Variants in AKAP13 observed in about 807,000 individuals in gnomAD.
AKAP13 encodes A-kinase anchoring protein 13, also known as A-kinase anchor protein 13.
A neutral mutation model predicts 264.5 loss-of-function variants in AKAP13; 80 were observed. The observed-to-expected ratio is 0.30, with a 90% CI of 0.25 to 0.36. The LOEUF (loss-of-function observed/expected upper bound fraction) is 0.36. Ranked by LOEUF, AKAP13 falls within the 10% of genes least tolerant of loss-of-function variation. The pLI, the probability that AKAP13 is intolerant of heterozygous loss-of-function variation, is 1.00. For missense variants in AKAP13, 3,712 were observed against 3,435.2 expected, an observed-to-expected ratio of 1.08 and a Z score of -2.01; for synonymous variants, 1,380 against 1,250.2, an observed-to-expected ratio of 1.10 and a Z score of -2.19.
At chr15:85,549,256 T>C (rs1596495345) in intron 5 of AKAP13, among the ~76,000 whole-genome samples, 1 of 152,228 alleles carries the variant, frequency 6.6e-6, no homozygotes, top group East Asian at 1.9e-4. Flanking sequence ...TGTTGATGCC[T>C]GTAGATTAAT....
Position 85,736,912 on chromosome 15 carries a change from CTTTTTTTTTT to C in AKAP13, c.7557+791_7557+800del, listed in dbSNP as rs11407996. 3.1e-5 allele frequency among the ~76,000 whole-genome samples: 3 copies of C among 98,040 alleles called. No individual in the cohort carries two copies. The Admixed American group carries it at 4.0e-4, about 13-fold the overall frequency. 64.3% of individuals were successfully genotyped at this position (98,040 alleles called of 152,430 possible). ...TCAAGTACTCAAGTTATATCATCAT[CTTTTTTTTTT>C]TTTTTTTTTTTTCTGGGGATGGATC... On this transcript the variant is annotated intron_variant, in intron 33 of 36. Transcript: ENST00000394518.
At chr15:85,574,235 T>TG (rs996357923) in intron 5 of AKAP13, among the ~76,000 whole-genome samples, 4 of 152,228 alleles carry the variant, frequency 2.6e-5, no homozygotes, top group African/African-American at 9.6e-5. Context: ...TGAGATTGTG[T>TG]GGGGTATGAT....
intron 17 of AKAP13, among the ~76,000 whole-genome samples, chr15:85,701,799 G>C (rs1476003800): frequency 8.0e-6 from 1 of 125,350 alleles, no homozygotes; most frequent in African/African-American, 3.1e-5. Context: ...GTTTAAGTTG[G>C]GCTTGACTGT....
intron 8 of AKAP13, chr15:85,624,357 G>C (rs564827684): frequency 6.6e-6 from 1 of 152,222 alleles, no homozygotes; most frequent in South Asian, 2.1e-4. Context: ...CCCGACTCAC[G>C]ACACTTGGGC....
chr15:85,630,047 T>G (rs1290698812), intron 8 of AKAP13, among the ~76,000 whole-genome samples: 1 of 151,994 alleles, frequency 6.6e-6, no homozygotes, highest in African/African-American at 2.4e-5. Context: ...CTTTTTGTTT[T>G]GTATCTGCTT....
chr15:85,440,386 C>G (rs978858093), intron 1 of AKAP13, among the ~76,000 whole-genome samples: 4 of 152,114 alleles, frequency 2.6e-5, no homozygotes, highest in Non-Finnish European at 5.9e-5. Context: ...TTCATGTGTT[C>G]TGAAATGCTG....
intron 3 of AKAP13, among the ~76,000 whole-genome samples, chr15:85,523,200 G>A (rs2076891915): frequency 6.6e-6 from 1 of 151,982 alleles, no homozygotes; most frequent in Admixed American, 6.5e-5. Flanking sequence ...ATTCCTGACC[G>A]GACCCTATTG....
chr15:85,542,002 G>A (rs1302268895), intron 4 of AKAP13, among the ~76,000 whole-genome samples: 1 of 152,216 alleles, frequency 6.6e-6, no homozygotes, highest in Non-Finnish European at 1.5e-5. Flanking sequence ...TTGTGGGAGG[G>A]TGGTAAAGAG....
intron 1 of AKAP13, among the ~76,000 whole-genome samples, chr15:85,407,083 A>G (rs1048523529): frequency 1.3e-5 from 2 of 151,252 alleles, no homozygotes; most frequent in Non-Finnish European, 3.0e-5. Flanking sequence ...AGGAATGTGC[A>G]CCAGCCACTA....
chr15:85,494,682 AT>A (rs1234722873), intron 2 of AKAP13, among the ~76,000 whole-genome samples: 1 of 152,150 alleles, frequency 6.6e-6, no homozygotes, highest in Admixed American at 6.5e-5. Context: ...ACAGAGAGAG[AT>A]TGAGGGAAGT....
At chr15:85,578,504 C>T (rs575449385) in intron 6 of AKAP13, among the ~76,000 whole-genome samples, 15 of 152,050 alleles carry the variant, frequency 9.9e-5, no homozygotes, top group South Asian at 2.1e-4. Context: ...TGCACCACTA[C>T]GCCCAGCTAA....
At chr15:85,641,338 C>G (rs531791313) in intron 9 of AKAP13, among the ~76,000 whole-genome samples, 1 of 150,286 alleles carries the variant, frequency 6.7e-6, no homozygotes, top group African/African-American at 2.4e-5. Flanking sequence ...CCCAGATACT[C>G]GGGAGACTGA....
rs531879685 is a variant in AKAP13 at position 85,716,218 on chromosome 15, A to G, written c.5735+295A>G. Among the ~76,000 whole-genome samples the G allele has an allele frequency of 2.0e-5, 3 of 152,268 alleles. No individual in the cohort carries two copies. The East Asian group carries it at 5.8e-4, about 29-fold the overall frequency. On this transcript the variant is annotated intron_variant, in intron 20 of 36. Transcript: ENST00000394518. ...TAAAAAGATGATTTTTTAGATCAAAATAAGTAGGAATAGGAAAAAGGGTGA... is the reference window on the plus strand; with the variant it reads ...TAAAAAGATGATTTTTTAGATCAAAGTAAGTAGGAATAGGAAAAAGGGTGA...
intron 2 of AKAP13, among the ~76,000 whole-genome samples, chr15:85,507,420 T>G (rs1036725086): frequency 6.6e-6 from 1 of 150,778 alleles, no homozygotes; most frequent in Admixed American, 6.6e-5. Context: ...GTAGTTGCAG[T>G]AGTAACCATA....
At chr15:85,382,645 T>C (rs977811848) in intron 1 of AKAP13, among the ~76,000 whole-genome samples, 4 of 152,172 alleles carry the variant, frequency 2.6e-5, no homozygotes, top group African/African-American at 9.7e-5. Context: ...TACTATTGTT[T>C]TAGGATTTCT....
In AKAP13 at chr15:85,579,616, T is replaced by C; in HGVS notation, c.1548T>C (p.Ala516=). Residue 516 remains alanine, a synonymous_variant, in exon 7 of 37, where the codon GCT becomes GCC. Coordinates refer to ENST00000394518, the MANE Select transcript of AKAP13 (RefSeq NM_007200.5). ...ERFENSNIGT[A]GASDVHVTSK... is the part of the protein sequence containing the mutation. ...TTGAGAACTCTAATATTGGCACAGCTGGAGCCTCTGACGTGCACGTCACAA... is the reference window on the plus strand; with the variant it reads ...TTGAGAACTCTAATATTGGCACAGCCGGAGCCTCTGACGTGCACGTCACAA... 6.2e-7 allele frequency: 1 copy of C among 1,614,238 alleles called. No homozygotes were observed.
At chr15:85,431,636 T>C (rs1029226713) in intron 1 of AKAP13, among the ~76,000 whole-genome samples, 14 of 152,208 alleles carry the variant, frequency 9.2e-5, no homozygotes, top group Admixed American at 5.9e-4. Context: ...CCTTAGTGTT[T>C]AGCTGATTTG....
At chr15:85,728,920 G>A (rs1000276096) in intron 29 of AKAP13, among the ~76,000 whole-genome samples, 3 of 152,110 alleles carry the variant, frequency 2.0e-5, no homozygotes, top group Non-Finnish European at 4.4e-5. Context: ...GCCACTGGAA[G>A]TACAAAGACC....
intron 35 of AKAP13, 93 bp from the exon 36 acceptor site, chr15:85,743,399 G>T: frequency 7.3e-7 from 1 of 1,373,802 alleles, no homozygotes; most frequent in Non-Finnish European, 1.0e-6. Context: ...TACCCAGCCA[G>T]CACACCCAGT....
Sources: gnomAD v4.1 joint callset for allele counts (sites outside exome capture counted in the v4.1 genomes callset) on GRCh38, gnomAD v4.1.1 for gene constraint, MANE v1.5 for transcripts, NCBI Gene and HGNC (gene_info 2026-07-23, HGNC 2026-07-21) for gene names.